The following ADCY8 variants were observed in gnomAD, a reference collection of about 807,000 sequenced individuals.
ADCY8 encodes adenylate cyclase type 8.
A neutral mutation model predicts 119.7 loss-of-function variants in ADCY8; 51 were observed. That is an observed-to-expected ratio of 0.43 (90% CI 0.34 to 0.54). ADCY8 has a LOEUF of 0.54. ADCY8 is among the 20% of genes least tolerant of loss of function. ADCY8 has a pLI of 0.03. For missense variants in ADCY8, 1,383 were observed against 1,598.8 expected, an observed-to-expected ratio of 0.87 and a Z score of 2.30; for synonymous variants, 665 against 651.0, an observed-to-expected ratio of 1.02 and a Z score of -0.33.
chr8:130,873,547 C>A (rs1482069945), intron 8 of ADCY8, among the ~76,000 whole-genome samples: 1 of 152,124 alleles, frequency 6.6e-6, no homozygotes. Context: ...CTTGAACTCC[C>A]AACCTCAGGT....
intron 2 of ADCY8, among the ~76,000 whole-genome samples, chr8:130,973,755 C>T (rs1821991963): frequency 6.6e-6 from 1 of 152,208 alleles, no homozygotes; most frequent in Non-Finnish European, 1.5e-5. Flanking sequence ...TCTGAGTGCT[C>T]CTGTTGTGTG....
Position 130,903,818 on chromosome 8 carries a change from G to C in ADCY8, c.1865C>G (p.Ser622Cys). The C allele has an allele frequency of 2.5e-6, 4 of 1,613,556 alleles. No individual in the cohort carries two copies. Among genetic ancestry groups the C allele is most frequent in the Non-Finnish European group, 3.4e-6 (4 of 1,179,992 alleles). The change falls in exon 7 of 18, where the codon TCC (serine) becomes TGC (cysteine). Residue 622 changes from serine (S) to cysteine (C), a missense_variant. By Grantham distance (112) the Ser-to-Cys change is moderately radical. Around this residue, in one of 2 missense-constraint regions of ADCY8, gnomAD observed 928 missense variants for 1,163.5 expected, o/e 0.80. Coordinates refer to ENST00000286355, the MANE Select transcript of ADCY8 (RefSeq NM_001115.3). ...ATCAAAGGGCAGTTCAGGGCTCCAG[G>C]ATCCTTCAGTGAATGTGGCCCCACT... is the stretch of plus-strand genomic sequence containing the variant. ...RNSGATFTEG[S>C]WSPELPFDNI...
At chr8:130,835,897 T>C (rs796172188) in intron 12 of ADCY8, among the ~76,000 whole-genome samples, 14 of 152,294 alleles carry the variant, frequency 9.2e-5, no homozygotes, top group African/African-American at 3.4e-4. Flanking sequence ...GGTCCAACTG[T>C]ACGATGCAAT....
chr8:130,974,137 C>T (rs1381199176), intron 2 of ADCY8, among the ~76,000 whole-genome samples: 1 of 152,324 alleles, frequency 6.6e-6, no homozygotes, highest in South Asian at 2.1e-4. Flanking sequence ...GTTTGTGTGG[C>T]CCATTATCCC....
intron 2 of ADCY8, among the ~76,000 whole-genome samples, chr8:130,959,305 G>A (rs1821528475): frequency 6.6e-6 from 1 of 152,098 alleles, no homozygotes; most frequent in South Asian, 2.1e-4. Context: ...CACCAGAAAT[G>A]TTCATATGGT....
intron 1 of ADCY8, among the ~76,000 whole-genome samples, chr8:131,027,854 T>C (rs2130804592): frequency 6.6e-6 from 1 of 152,216 alleles, no homozygotes. Flanking sequence ...AGCCCCAACA[T>C]TGAAGAGGTG....
intron 1 of ADCY8, among the ~76,000 whole-genome samples, chr8:131,006,924 C>G (rs1293961914): frequency 6.6e-6 from 1 of 152,094 alleles, no homozygotes; most frequent in African/African-American, 2.4e-5. Flanking sequence ...TCTTTTAGAG[C>G]CATTCATGAC....
At chr8:130,785,004 G>A (rs1397901866) in intron 16 of ADCY8, among the ~76,000 whole-genome samples, 2 of 152,152 alleles carry the variant, frequency 1.3e-5, no homozygotes, top group Non-Finnish European at 2.9e-5. Flanking sequence ...ACTCCAAAAA[G>A]CAGCAACTGT....
chr8:131,016,867 C>G (rs1481593871), intron 1 of ADCY8, among the ~76,000 whole-genome samples: 1 of 152,034 alleles, frequency 6.6e-6, no homozygotes, highest in African/African-American at 2.4e-5. Flanking sequence ...CCCCCAAAAG[C>G]CATTGGCCCA....
Position 130,840,463 on chromosome 8 carries a change from C to T in ADCY8, c.2503-4014G>A, listed in dbSNP as rs116223269. ...GAACTAGAAGACAATAGTGAAGAAACATGTGCCCGAAGAATAAAGAGCTCT... is the reference window on the plus strand; with the variant it reads ...GAACTAGAAGACAATAGTGAAGAAATATGTGCCCGAAGAATAAAGAGCTCT... On this transcript the variant is annotated intron_variant, in intron 11 of 17. Coordinates refer to ENST00000286355, the MANE Select transcript of ADCY8 (RefSeq NM_001115.3). Among the ~76,000 whole-genome samples, 128 of 96,238 alleles carry T rather than the reference C, an allele frequency of 1.3e-3. 10 individuals carry two copies. The highest frequency in any genetic ancestry group is 3.3e-3 in the African/African-American group (125 of 37,480). The allele number at this position is 96,238 out of a possible 152,430, so 63.1% of individuals were successfully genotyped here. A position where few individuals can be genotyped will look rare whatever the true frequency, so the allele number is the denominator to read the frequency against.
intron 15 of ADCY8, among the ~76,000 whole-genome samples, chr8:130,786,934 G>T (rs1255999579): frequency 6.6e-6 from 1 of 152,056 alleles, no homozygotes; most frequent in Non-Finnish European, 1.5e-5. Flanking sequence ...GCATGGGAAG[G>T]GGAGCATCCA....
At chr8:130,929,881 A>G (rs1055159212) in intron 5 of ADCY8, among the ~76,000 whole-genome samples, 1 of 152,240 alleles carries the variant, frequency 6.6e-6, no homozygotes, top group Non-Finnish European at 1.5e-5. Context: ...TTATCATTAC[A>G]TAATGACTTT....
At chr8:130,892,579 G>A (rs1803431942) in intron 7 of ADCY8, 1 of 152,096 alleles carries the variant, frequency 6.6e-6, no homozygotes, top group Non-Finnish European at 1.5e-5. Context: ...AATCATTTGG[G>A]GGTTTAGGTC....
At chr8:130,949,335 T>C (rs1046628552) in intron 3 of ADCY8, among the ~76,000 whole-genome samples, 3 of 152,138 alleles carry the variant, frequency 2.0e-5, no homozygotes, top group African/African-American at 7.2e-5. Flanking sequence ...TTAAAGGTAT[T>C]TTTCCCTCCT....
chr8:130,787,836 G>A (rs1378137623), intron 15 of ADCY8, among the ~76,000 whole-genome samples: 1 of 150,958 alleles, frequency 6.6e-6, no homozygotes, highest in Non-Finnish European at 1.5e-5. Flanking sequence ...ATCCACATGT[G>A]TGCATTTGTG....
chr8:131,011,157 T>C (rs1406811826), intron 1 of ADCY8, among the ~76,000 whole-genome samples: 1 of 139,252 alleles, frequency 7.2e-6, no homozygotes, highest in Non-Finnish European at 1.5e-5. Context: ...AAGGTGCATA[T>C]TAAAAGTTTA....
intron 2 of ADCY8, among the ~76,000 whole-genome samples, chr8:130,959,170 A>G (rs559224736): frequency 4.5e-4 from 69 of 152,348 alleles, no homozygotes; most frequent in Middle Eastern, 3.4e-3. Context: ...AACTATATTA[A>G]AGTATATATT....
chr8:130,786,490 G>A (rs1282917725), intron 15 of ADCY8, among the ~76,000 whole-genome samples: 1 of 152,154 alleles, frequency 6.6e-6, no homozygotes, highest in Non-Finnish European at 1.5e-5. Context: ...ACTTTGCAGA[G>A]CCTCTGGAAG....
intron 15 of ADCY8, among the ~76,000 whole-genome samples, chr8:130,797,611 A>G (rs560548562): frequency 2.3e-4 from 35 of 152,224 alleles, no homozygotes; most frequent in Non-Finnish European, 4.4e-4. Flanking sequence ...TATGGTCTCT[A>G]CCTTAGTGAC....
Sources: allele counts gnomAD v4.1 joint callset (sites outside exome capture counted in the v4.1 genomes callset), GRCh38; gene constraint gnomAD v4.1.1; regional missense constraint gnomAD v4.1.1; transcripts MANE v1.5; gene names NCBI Gene and HGNC (gene_info 2026-07-23, HGNC 2026-07-21).